The following THOC5 variants were observed in gnomAD, a reference collection of about 807,000 sequenced individuals.
The protein encoded by THOC5 is THO complex subunit 5.
A neutral mutation model predicts 92.9 loss-of-function variants in THOC5; 43 were observed. The observed-to-expected ratio is 0.46, with a 90% CI of 0.36 to 0.60. The LOEUF (loss-of-function observed/expected upper bound fraction) is 0.60. Ranked by LOEUF, THOC5 falls within the 20% of genes least tolerant of loss-of-function variation. The probability of loss-of-function intolerance (pLI) is 0.00; values close to 1 mark genes in which losing one functional copy is unlikely to be tolerated. For missense variants in THOC5, 659 were observed against 849.4 expected (o/e 0.78, Z 2.79); for synonymous variants, 296 against 320.1 (o/e 0.92, Z 0.80).
intron 19 of THOC5, among the ~76,000 whole-genome samples, chr22:29,509,009 A>G (rs1480477058): frequency 6.6e-6 from 1 of 152,020 alleles, no homozygotes; most frequent in East Asian, 1.9e-4. Context: ...AGGCTGGTGG[A>G]ACTCCTGGCC....
Position 29,531,861 on chromosome 22 carries a change from C to A in THOC5, c.817G>T (p.Val273Phe). ...GCCTGCCCATACGCAGTGGCCTGAA[C>A]AAAGAGGACATAGAGGGGAGGCGGC... ...HLPPPLYVLF[V>F]QATAYGQACD... The change falls in exon 8 of 20, where the codon GTT becomes TTT. Residue 273 changes from valine (V) to phenylalanine (F), a missense_variant. Physicochemically the swap from Val to Phe is conservative, Grantham distance 50. Coordinates refer to ENST00000490103, the MANE Select transcript of THOC5 (RefSeq NM_003678.5). The A allele has an allele frequency of 1.2e-6, 2 of 1,614,202 alleles. No individual in the cohort carries two copies. Among genetic ancestry groups the A allele is most frequent in the Non-Finnish European group, 1.7e-6 (2 of 1,180,042 alleles).
At chr22:29,531,020 A>G in intron 8 of THOC5, 1 of 1,023,028 alleles carries the variant, frequency 9.8e-7, no homozygotes, top group Non-Finnish European at 1.2e-6. Flanking sequence ...AGCATTCTAC[A>G]AGAACATCAG....
chr22:29,544,587 C>A lies in THOC5; in HGVS notation c.113G>T (p.Ser38Ile), dbSNP rs1199343713. ...CCGCAGATCCACCTCGGCCTCCTCA[C>A]TGTAGTATTTACCTTCCTGTAGAGG... ...SDTEQEGKYYSEEAEVDLRDP... is the reference protein window; with the variant it reads ...SDTEQEGKYYIEEAEVDLRDP... The change falls in exon 3 of 20, where the codon AGT becomes ATT. Residue 38 changes from serine (S) to isoleucine (I), a missense_variant. Ser to Ile is a moderately radical substitution (Grantham distance 142). Coordinates refer to ENST00000490103, the MANE Select transcript of THOC5 (RefSeq NM_003678.5). 3.7e-6 allele frequency: 6 copies of A among 1,612,350 alleles called. No homozygotes were observed. The highest frequency in any genetic ancestry group is 2.2e-5 in the East Asian group (1 of 44,762).
chr22:29,521,458 G>A (rs1057469726), intron 12 of THOC5, among the ~76,000 whole-genome samples: 1 of 152,088 alleles, frequency 6.6e-6, no homozygotes, highest in African/African-American at 2.4e-5. Context: ...TTTATATGGT[G>A]CCTAAGGCCT....
intron 7 of THOC5, chr22:29,535,783 G>A (rs971404701): frequency 6.6e-6 from 1 of 152,140 alleles, no homozygotes; most frequent in African/African-American, 2.4e-5. Context: ...AGGCTGGAGC[G>A]ATCCTCCTGC....
intron 10 of THOC5, 77 bp downstream of exon 10, chr22:29,528,349 G>C (rs1428859860): frequency 6.2e-7 from 1 of 1,614,002 alleles, no homozygotes; most frequent in Admixed American, 1.7e-5. Flanking sequence ...TGCTTCTAGG[G>C]AGGACGGCAC....
At chr22:29,531,469 A>T in intron 8 of THOC5, 1 of 1,031,140 alleles carries the variant, frequency 9.7e-7, no homozygotes, top group South Asian at 4.1e-5. Context: ...ACCTGTATTC[A>T]CCAGGCACCC....
intron 8 of THOC5, chr22:29,531,518 C>T: frequency 8.2e-6 from 9 of 1,101,310 alleles, no homozygotes; most frequent in Non-Finnish European, 1.0e-5. Context: ...ATCTAACTGC[C>T]AAGCGTGCCT....
intron 2 of THOC5, 93 bp downstream of exon 2, chr22:29,548,959 T>C (rs1360510025): frequency 2.2e-5 from 27 of 1,225,604 alleles, no homozygotes; most frequent in Admixed American, 6.6e-5. Flanking sequence ...TTGTACCTGG[T>C]AGATGCGACC....
rs757871927 is a variant in THOC5 at position 29,507,967 on chromosome 22, G to A, written c.*490C>T. ...CTGTCAGACATTTATAACATCCAAC[G>A]ATCAGAGACAATTTGTCCATCGGCA... On this transcript the variant is annotated 3_prime_UTR_variant, in exon 20 of 20. Transcript: ENST00000490103. The A allele has an allele frequency of 3.1e-5, 5 of 160,002 alleles. No individual in the cohort carries two copies. Among genetic ancestry groups the A allele is most frequent in the Non-Finnish European group, 5.5e-5 (4 of 73,002 alleles). The allele number at this position is 160,002 out of a possible 1,614,324, so 9.9% of individuals were successfully genotyped here.
rs1442819561 is a variant in THOC5 at position 29,536,677 on chromosome 22, C to T, written c.661G>A (p.Val221Met). Residue 221 changes from valine to methionine, a missense_variant, in exon 7 of 20, where the codon GTG becomes ATG. Physicochemically the swap from Val to Met is conservative, Grantham distance 21 (BLOSUM62 1). Coordinates refer to ENST00000490103, the MANE Select transcript of THOC5 (RefSeq NM_003678.5). ...AGGCTGCTCAGGTACTCCTTCTTCA[C>T]CTCAATCTCCTTGAGAATCTTCTCC... ...NKEKILKEIE[V>M]KKEYLSSLQP... is the part of the protein sequence containing the mutation. 9 of 1,613,792 alleles carry T rather than the reference C, an allele frequency of 5.6e-6. No individual in the cohort carries two copies. The highest frequency in any genetic ancestry group is 3.3e-5 in the South Asian group (3 of 91,076).
chr22:29,551,745 C>CA lies in THOC5; in HGVS notation c.-12+1925dup, dbSNP rs199727891. Among the ~76,000 whole-genome samples the CA allele has an allele frequency of 9.0e-3, 1,340 of 148,436 alleles. 13 individuals are homozygous for CA. The highest frequency in any genetic ancestry group is 0.028 in the African/African-American group (1,133 of 40,398). On this transcript the variant is annotated intron_variant, in intron 1 of 19. Coordinates refer to ENST00000490103, the MANE Select transcript of THOC5 (RefSeq NM_003678.5). Reference sequence around the variant, plus strand: ...AGTCTTGACAACAGAGATCCCGTTGCAAAAAAAAAATTTGGACTGGATTAA... The same window carrying CA: ...AGTCTTGACAACAGAGATCCCGTTGCAAAAAAAAAAATTTGGACTGGATTAA...
At position 29,512,153 on chromosome 22, in the gene THOC5, G is replaced by C. The variant is rs1189749917; in HGVS notation, c.1682-17C>G. 1.2e-6 allele frequency: 2 copies of C among 1,607,078 alleles called. No homozygotes were observed. Among genetic ancestry groups the C allele is most frequent in the Non-Finnish European group, 1.7e-6 (2 of 1,173,618 alleles). ...GCAGTTTGGCTGGGAAGAGAGGAGA[G>C]AGGGGAAATGCGCAGTTCTAAGACT... On this transcript the variant is annotated splice_polypyrimidine_tract_variant and intron_variant, in intron 17 of 19. Coordinates refer to ENST00000490103, the MANE Select transcript of THOC5 (RefSeq NM_003678.5).
intron 9 of THOC5, chr22:29,528,941 C>G (rs531907263): frequency 3.5e-6 from 2 of 570,380 alleles, no homozygotes; most frequent in South Asian, 4.7e-5. Flanking sequence ...AAATACCTTC[C>G]TCGGGGTCAG....
At position 29,508,259 on chromosome 22, in the gene THOC5, G is replaced by C. The variant is rs181906152; in HGVS notation, c.*198C>G. 3.9e-4 allele frequency: 236 copies of C among 600,718 alleles called. No individual in the cohort carries two copies. Among genetic ancestry groups the C allele is most frequent in the African/African-American group, 2.5e-3 (135 of 53,844 alleles). 37.2% of individuals were successfully genotyped at this position (600,718 alleles called of 1,614,324 possible). On this transcript the variant is annotated 3_prime_UTR_variant, in exon 20 of 20. Coordinates refer to ENST00000490103, the MANE Select transcript of THOC5 (RefSeq NM_003678.5). ...CTCTACAAATGCTTTTTCACACTGTGTCACAGCTCCCACCTGCCCTTCCAG... is the reference window on the plus strand; with the variant it reads ...CTCTACAAATGCTTTTTCACACTGTCTCACAGCTCCCACCTGCCCTTCCAG...
chr22:29,526,719 A>G (rs2063552033), intron 11 of THOC5, among the ~76,000 whole-genome samples: 2 of 152,240 alleles, frequency 1.3e-5, no homozygotes, highest in South Asian at 4.2e-4. Context: ...ATCAAGGTCA[A>G]TATCAGCAGA....
At chr22:29,526,493 C>T (rs2063547912) in intron 11 of THOC5, among the ~76,000 whole-genome samples, 3 of 151,962 alleles carry the variant, frequency 2.0e-5, no homozygotes, top group South Asian at 4.2e-4. Context: ...GATCACGCCA[C>T]TGCACTCCAG....
chr22:29,544,423 C>A (rs750941216), intron 3 of THOC5, 37 bp downstream of exon 3: 12 of 1,602,194 alleles, frequency 7.5e-6, no homozygotes, highest in Middle Eastern at 2.1e-4. Context: ...TCTATGTAAA[C>A]CCACCAGGTT....
At chr22:29,530,916 C>A (rs939545085) in intron 8 of THOC5, among the ~76,000 whole-genome samples, 1 of 152,180 alleles carries the variant, frequency 6.6e-6, no homozygotes, top group Non-Finnish European at 1.5e-5. Flanking sequence ...TCTATGGCAA[C>A]CCTATGTGAA....
Sources: gnomAD v4.1 joint callset for allele counts (sites outside exome capture counted in the v4.1 genomes callset) on GRCh38, gnomAD v4.1.1 for gene constraint, MANE v1.5 for transcripts, NCBI Gene and HGNC (gene_info 2026-07-23, HGNC 2026-07-21) for gene names.